MON2: variants seen among roughly 807,000 people sequenced by gnomAD.
The protein encoded by MON2 is protein MON2 homolog.
A neutral mutation model predicts 208.6 loss-of-function variants in MON2; 84 were observed. The observed-to-expected ratio is 0.40, with a 90% CI of 0.34 to 0.48. MON2 has a LOEUF of 0.48. Among genes scored for constraint, MON2 ranks in the 20% least tolerant of loss-of-function variants. The pLI, the probability that MON2 is intolerant of heterozygous loss-of-function variation, is 0.59. For missense variants in MON2, 1,611 were observed against 2,015.4 expected, an observed-to-expected ratio of 0.80 and a Z score of 3.84; for synonymous variants, 660 against 694.0, an observed-to-expected ratio of 0.95 and a Z score of 0.77.
At position 62,499,065 on chromosome 12, in the gene MON2, T is replaced by C; in HGVS notation, c.565+17T>C. The C allele has an allele frequency of 1.2e-6, 2 of 1,606,252 alleles. No individual in the cohort carries two copies. The highest frequency in any genetic ancestry group is 2.2e-5 in the South Asian group (2 of 89,394). On this transcript the variant is annotated intron_variant, in intron 5 of 34. Transcript: ENST00000393630. Reference sequence around the variant, plus strand: ...GACACAGAGGTAAAGTGCTAGAAGTTGTTTTACTTTGTGGGTGGTTCTTGG... The same window carrying C: ...GACACAGAGGTAAAGTGCTAGAAGTCGTTTTACTTTGTGGGTGGTTCTTGG...
chr12:62,557,962 A>ATATATATT (rs1364201663), intron 25 of MON2, among the ~76,000 whole-genome samples: 12 of 20,872 alleles, frequency 5.7e-4, no homozygotes, highest in Admixed American at 1.9e-3. Flanking sequence ...ATATATATAT[A>ATATATATT]TTTTTTTTTT....
At position 62,592,758 on chromosome 12, in the gene MON2, A is replaced by C; in HGVS notation, c.*9A>C. 3 of 1,561,772 alleles carry C rather than the reference A, an allele frequency of 1.9e-6. No homozygotes were observed. The highest frequency in any genetic ancestry group is 2.6e-6 in the Non-Finnish European group (3 of 1,142,038). On this transcript the variant is annotated 3_prime_UTR_variant, in exon 35 of 35. Coordinates refer to ENST00000393630, the MANE Select transcript of MON2 (RefSeq NM_015026.3). ...AAAATGGAGAATCTTGACCGGCTAC[A>C]ATATATTTGAAAGCAGGAAGATAGT...
intron 1 of MON2, among the ~76,000 whole-genome samples, chr12:62,476,253 T>G (rs986543007): frequency 1.3e-5 from 2 of 152,156 alleles, no homozygotes; most frequent in African/African-American, 4.8e-5. Flanking sequence ...GTAGTATTTG[T>G]TTTGTGAGCA....
At chr12:62,469,752 T>C (rs983636445) in intron 1 of MON2, among the ~76,000 whole-genome samples, 7 of 152,200 alleles carry the variant, frequency 4.6e-5, no homozygotes, top group African/African-American at 1.7e-4. Flanking sequence ...GGTTTTATTT[T>C]TCTCTTTGGT....
intron 2 of MON2, chr12:62,489,933 G>A (rs2070022878): frequency 1.8e-6 from 1 of 568,376 alleles, no homozygotes; most frequent in South Asian, 2.2e-5. Context: ...AAGAATTGAA[G>A]TTTATTTTTT....
At chr12:62,566,190 C>T in intron 28 of MON2, 132 bp from the exon 29 acceptor site, 2 of 1,342,068 alleles carry the variant, frequency 1.5e-6, no homozygotes, top group Non-Finnish European at 2.0e-6. Flanking sequence ...TCTTTGAAAA[C>T]TTTGCATGTA....
chr12:62,548,391 G>A (rs1363137752), intron 22 of MON2, among the ~76,000 whole-genome samples: 4 of 152,052 alleles, frequency 2.6e-5, no homozygotes, highest in African/African-American at 9.7e-5. Flanking sequence ...AATTTGGAGG[G>A]GACATATGGA....
chr12:62,474,260 A>G lies in MON2; in HGVS notation c.111+6942A>G, dbSNP rs575851209. Among the ~76,000 whole-genome samples, 5 of 151,910 alleles carry G rather than the reference A, an allele frequency of 3.3e-5. No homozygotes were observed. The East Asian group carries it at 9.7e-4, about 29-fold the overall frequency. Reference sequence around the variant, plus strand: ...CAGCCTCCTGAGTAGCTGGGATTACAGGCGCCTGCCACCACGCCCAGCTAA... The same window carrying G: ...CAGCCTCCTGAGTAGCTGGGATTACGGGCGCCTGCCACCACGCCCAGCTAA... On this transcript the variant is annotated intron_variant, in intron 1 of 34. Transcript: ENST00000393630.
intron 8 of MON2, among the ~76,000 whole-genome samples, chr12:62,509,765 A>G (rs1353706471): frequency 2.0e-5 from 3 of 152,212 alleles, no homozygotes; most frequent in Non-Finnish European, 4.4e-5. Context: ...TCTCAAATGT[A>G]TGGAAATTAA....
chr12:62,478,370 C>T (rs1292788464), intron 1 of MON2, among the ~76,000 whole-genome samples: 1 of 151,958 alleles, frequency 6.6e-6, no homozygotes, highest in South Asian at 2.1e-4. Context: ...ATAGACAGTA[C>T]TAAAGGTAGA....
rs771474746 is a variant in MON2 at position 62,585,430 on chromosome 12, A to G, written c.4836A>G (p.Leu1612=). The G allele has an allele frequency of 1.9e-6, 3 of 1,613,862 alleles. No individual in the cohort carries two copies. Among genetic ancestry groups the G allele is most frequent in the Non-Finnish European group, 2.5e-6 (3 of 1,179,810 alleles). The change falls in exon 33 of 35, where the codon TTA becomes TTG. Residue 1612 remains leucine (L), a synonymous_variant. Coordinates refer to ENST00000393630, the MANE Select transcript of MON2 (RefSeq NM_015026.3). ...CACGAATGGCACTCTCAGTGCTTTT[A>G]AAGAGGTCCCAAGATGTACTACATC... is the stretch of plus-strand genomic sequence containing the variant. ...YISRMALSVL[L]KRSQDVLHRY... is the part of the protein sequence containing the mutation.
intron 16 of MON2, 24 bp from the exon 17 acceptor site, chr12:62,538,072 T>C: frequency 1.3e-6 from 2 of 1,482,754 alleles, no homozygotes; most frequent in Non-Finnish European, 9.0e-7. Flanking sequence ...AGTTATTTGT[T>C]TTGATTTTTT....
intron 15 of MON2, 102 bp downstream of exon 15, chr12:62,537,365 C>T (rs766308531): frequency 3.0e-5 from 25 of 829,112 alleles, no homozygotes; most frequent in Non-Finnish European, 4.7e-5. Flanking sequence ...TATTTACTTT[C>T]TTTTACTAGA....
In MON2 at chr12:62,588,150, G is replaced by T; in HGVS notation, c.4984G>T (p.Glu1662Ter). The change falls in exon 34 of 35, where the codon GAG becomes TAG. Residue 1662 changes from glutamate to a stop codon, truncating the protein, a stop_gained. Transcript: ENST00000393630. LOFTEE classifies it high-confidence loss of function. ...TGATTCACTTAAGAAAACTCAGCCT[G>T]AGAATGGTAAGTGCTTAGAAACAGT... ...LIDSLKKTQP[E>*]NVDGNTWAQV... 6.4e-7 allele frequency: 1 copy of T among 1,565,634 alleles called. No individual in the cohort carries two copies. Among genetic ancestry groups the T allele is most frequent in the South Asian group, 1.1e-5 (1 of 88,130 alleles).
chr12:62,548,078 G>T (rs1011025850), intron 22 of MON2, among the ~76,000 whole-genome samples: 1 of 152,150 alleles, frequency 6.6e-6, no homozygotes, highest in African/African-American at 2.4e-5. Context: ...TTATATAAAT[G>T]ATTTGAATTT....
intron 28 of MON2, 37 bp downstream of exon 28, chr12:62,566,068 G>A: frequency 6.3e-7 from 1 of 1,588,510 alleles, no homozygotes; most frequent in South Asian, 1.1e-5. Context: ...TAACCTCTTG[G>A]CAACAAATAA....
intron 7 of MON2, among the ~76,000 whole-genome samples, chr12:62,503,961 C>A (rs2070970685): frequency 6.6e-6 from 1 of 152,026 alleles, no homozygotes; most frequent in Non-Finnish European, 1.5e-5. Flanking sequence ...CTGCCTGACA[C>A]ACACACACAC....
intron 26 of MON2, among the ~76,000 whole-genome samples, chr12:62,564,760 G>A (rs925518266): frequency 2.0e-5 from 3 of 151,984 alleles, no homozygotes; most frequent in Admixed American, 6.6e-5. Flanking sequence ...ACAAATTTTC[G>A]TAGATGACTT....
At chr12:62,493,486 T>C (rs2070294281) in intron 2 of MON2, among the ~76,000 whole-genome samples, 2 of 152,256 alleles carry the variant, frequency 1.3e-5, no homozygotes, top group Non-Finnish European at 2.9e-5. Flanking sequence ...TTTCTTAATA[T>C]TCATTTACAA....
Sources: allele counts gnomAD v4.1 joint callset (sites outside exome capture counted in the v4.1 genomes callset), GRCh38; gene constraint gnomAD v4.1.1; transcripts MANE v1.5; gene names NCBI Gene and HGNC (gene_info 2026-07-23, HGNC 2026-07-21).